Variants in RYR1 observed in about 807,000 individuals in gnomAD.
RYR1 encodes ryanodine receptor 1, also known as central core disease of muscle.
In RYR1, 342 loss-of-function variants were observed where a neutral mutation model predicts 583.5. The ratio of observed to expected loss-of-function variants is 0.59; its 90% CI spans 0.54 to 0.64. The LOEUF is 0.64. RYR1 is among the 30% of genes least tolerant of loss of function. RYR1 has a pLI of 0.00. For missense variants in RYR1, 6,032 were observed against 6,917.2 expected (o/e 0.87, Z 4.54); for synonymous variants, 2,791 against 2,822.5 (o/e 0.99, Z 0.35).
rs1242843532 is a variant in RYR1, at chr19:38,455,440, TC to T, written c.1577-5del. 3 of 1,613,882 alleles carry T rather than the reference TC, an allele frequency of 1.9e-6. No homozygotes were observed. Among genetic ancestry groups the T allele is most frequent in the East Asian group, 4.5e-5 (2 of 44,872 alleles). On this transcript the variant is annotated splice_polypyrimidine_tract_variant and intron_variant, in intron 14 of 105. Coordinates refer to ENST00000359596, the MANE Select transcript of RYR1 (RefSeq NM_000540.3). The stretch of plus-strand genomic sequence containing the variant: ...CAGTCCTATTGGATCTGACACCTCT[TC>T]CCCCCTCAGCTTCTCTAATCCGTGG...
At chr19:38,506,706 G>A in intron 56 of RYR1, 123 bp from the exon 57 acceptor site, 1 of 1,521,504 alleles carries the variant, frequency 6.6e-7, no homozygotes, top group Non-Finnish European at 9.0e-7. Context: ...AGCAAGCAAT[G>A]TTTCCGTTAT....
chr19:38,495,424 C>T (rs1969772482), intron 39 of RYR1, among the ~76,000 whole-genome samples: 1 of 152,224 alleles, frequency 6.6e-6, no homozygotes, highest in African/African-American at 2.4e-5. Context: ...CAGCTCACTG[C>T]AGCCTCAACT....
At position 38,473,469 on chromosome 19, in the gene RYR1, T is replaced by C. The variant is rs16972636; in HGVS notation, c.3858T>C (p.Leu1286=). 13,715 of 1,613,736 alleles carry C rather than the reference T, an allele frequency of 8.5e-3. 937 individuals are homozygous for C. The African/African-American group carries it at 0.15, about 18-fold the overall frequency. The change falls in exon 28 of 106, where the codon CTT becomes CTC. Residue 1286 remains leucine, a synonymous_variant. Transcript: ENST00000359596. ...CCCAGAACAGCCTGGTGGAGATGCT[T>C]TTCCTGCGGCTGAGCCTCCCAGTCC... is the stretch of plus-strand genomic sequence containing the variant. ...WGSQNSLVEM[L]FLRLSLPVQF... is the part of the protein sequence containing the mutation.
At chr19:38,567,702 G>A (rs1973507824) in intron 92 of RYR1, 71 bp from the exon 93 acceptor site, 2 of 1,612,564 alleles carry the variant, frequency 1.2e-6, no homozygotes, top group Admixed American at 1.7e-5. Flanking sequence ...CTTGGTGAAT[G>A]GTTTTGAATG....
chr19:38,475,432 C>T lies in RYR1; in HGVS notation c.4275C>T (p.Ile1425=). Residue 1425 remains isoleucine, a synonymous_variant, in exon 29 of 106, where the codon ATC becomes ATT. Transcript: ENST00000359596. ...CAGACAACCGCGATGACCCCGAGAT[C>T]ATCCTCAACACCACCACGGTGTGGA... ...VPADNRDDPE[I]ILNTTTYYYS... is the part of the protein sequence containing the mutation. The T allele has an allele frequency of 6.2e-7, 1 of 1,613,890 alleles. No homozygotes were observed. The highest frequency in any genetic ancestry group is 8.5e-7 in the Non-Finnish European group (1 of 1,180,046).
chr19:38,577,381 C>T (rs1460778741), intron 97 of RYR1, among the ~76,000 whole-genome samples: 1 of 152,138 alleles, frequency 6.6e-6, no homozygotes, highest in Admixed American at 6.6e-5. Context: ...CTATTATGTG[C>T]CAGGAACAGT....
intron 76 of RYR1, among the ~76,000 whole-genome samples, chr19:38,530,210 T>C (rs1334826051): frequency 6.6e-6 from 1 of 152,146 alleles, no homozygotes; most frequent in African/African-American, 2.4e-5. Context: ...CGCCTTGGCC[T>C]CTCAAAGTGC....
intron 39 of RYR1, among the ~76,000 whole-genome samples, chr19:38,495,368 C>T (rs890619814): frequency 1.3e-5 from 2 of 152,144 alleles, no homozygotes; most frequent in Non-Finnish European, 2.9e-5. Context: ...GTTTTTGAGA[C>T]AGGGCCTCAC....
At chr19:38,494,701 C>G in intron 39 of RYR1, 76 bp downstream of exon 39, 1 of 1,571,710 alleles carries the variant, frequency 6.4e-7, no homozygotes, top group Non-Finnish European at 8.7e-7. Flanking sequence ...ATAACATTCC[C>G]TTCCCCAACT....
intron 23 of RYR1, among the ~76,000 whole-genome samples, chr19:38,465,097 A>C (rs1390964531): frequency 6.6e-6 from 1 of 152,142 alleles, no homozygotes; most frequent in Non-Finnish European, 1.5e-5. Context: ...ATAGGTGAGC[A>C]GTTACACGTC....
At position 38,561,084 on chromosome 19, in the gene RYR1, A is replaced by AC; in HGVS notation, c.12283-25dup. 6.3e-7 allele frequency: 1 copy of AC among 1,582,190 alleles called. No individual in the cohort carries two copies. The highest frequency in any genetic ancestry group is 8.7e-7 in the Non-Finnish European group (1 of 1,153,650). On this transcript the variant is annotated intron_variant, in intron 89 of 105. Coordinates refer to ENST00000359596, the MANE Select transcript of RYR1 (RefSeq NM_000540.3). This position sits in a 1 kb window ranked among gnomAD's most constrained non-coding sequence, Gnocchi z 4.8. The stretch of plus-strand genomic sequence containing the variant: ...AGAGAGAATTGAGGCTCTCCAGGTC[A>AC]CCCCACTGACCTCCCTGCCCGCCCC...
Position 38,475,303 on chromosome 19 carries a change from T to C in RYR1, c.4161-15T>C. 6.4e-7 allele frequency: 1 copy of C among 1,566,014 alleles called. No homozygotes were observed. Among genetic ancestry groups the C allele is most frequent in the Non-Finnish European group, 8.7e-7 (1 of 1,155,530 alleles). ...TGAAAGCTGGCTCTCATGGCGCCTC[T>C]CCTCCCACTACCAGCTTCTTATTCA... On this transcript the variant is annotated splice_polypyrimidine_tract_variant and intron_variant, in intron 28 of 105. Transcript: ENST00000359596.
rs368826804 is a variant in RYR1, at chr19:38,567,842, C to G, written c.13584C>G (p.Pro4528=). The G allele has an allele frequency of 2.9e-5, 47 of 1,614,038 alleles. No individual in the cohort carries two copies. In the African/African-American group the frequency reaches 3.5e-4, roughly 12 times the overall value. Residue 4528 remains proline (P), a synonymous_variant, in exon 93 of 106, where the codon CCC becomes CCG. Transcript: ENST00000359596. ...AGCCCCCCAAGAAGCAAGCACCTCC[C>G]TCACCCCCTCCAAAGAAGGAGGAAG... ...TPEPPKKQAP[P]SPPPKKEEAG...
Position 38,502,851 on chromosome 19 carries a change from GA to G in RYR1, c.7836-28del, listed in dbSNP as rs778971865. 49 of 1,600,606 alleles carry G rather than the reference GA, an allele frequency of 3.1e-5. No individual in the cohort carries two copies. In the African/African-American group the frequency reaches 6.2e-4, roughly 20 times the overall value. On this transcript the variant is annotated intron_variant, in intron 48 of 105. Transcript: ENST00000359596. ...GGCAGCAGAGCGGGCCTGGACGGGGGATTCTACATCTTGTGCATTGTCCCGC... is the reference window on the plus strand; with the variant it reads ...GGCAGCAGAGCGGGCCTGGACGGGGGTTCTACATCTTGTGCATTGTCCCGC...
intron 22 of RYR1, 77 bp from the exon 23 acceptor site, chr19:38,464,562 A>G: frequency 8.1e-7 from 1 of 1,233,744 alleles, no homozygotes; most frequent in Non-Finnish European, 1.2e-6. Flanking sequence ...GGAGCTGGAG[A>G]CCCTGAGGCC....
At chr19:38,569,296 T>C (rs373516240) in intron 93 of RYR1, among the ~76,000 whole-genome samples, 40 of 152,218 alleles carry the variant, frequency 2.6e-4, no homozygotes, top group East Asian at 7.7e-4. Context: ...CGTGAGCCAC[T>C]GCACCTGGCC....
At chr19:38,536,941 T>G in intron 83 of RYR1, 174 bp downstream of exon 83, 1 of 671,956 alleles carries the variant, frequency 1.5e-6, no homozygotes, top group Non-Finnish European at 2.7e-6. Flanking sequence ...GGAGCATGAT[T>G]CAGGTCCCAG....
intron 31 of RYR1, among the ~76,000 whole-genome samples, chr19:38,482,539 C>A (rs1969062560): frequency 6.6e-6 from 1 of 152,104 alleles, no homozygotes; most frequent in Non-Finnish European, 1.5e-5. Flanking sequence ...CAGCCTCGAC[C>A]TCCCAGGATC....
intron 34 of RYR1, among the ~76,000 whole-genome samples, chr19:38,487,198 G>A (rs1415176827): frequency 6.6e-6 from 1 of 151,656 alleles, no homozygotes; most frequent in Non-Finnish European, 1.5e-5. Context: ...TCATATGTAC[G>A]TACACCCATC....
Sources: allele counts gnomAD v4.1 joint callset (sites outside exome capture counted in the v4.1 genomes callset), GRCh38; gene constraint gnomAD v4.1.1; non-coding constraint Gnocchi (gnomAD v3.1); transcripts MANE v1.5; gene names NCBI Gene and HGNC (gene_info 2026-07-23, HGNC 2026-07-21).